TMEM272: variants seen among roughly 807,000 people sequenced by gnomAD.
TMEM272 encodes the protein transmembrane protein 272.
A neutral mutation model predicts 3.7 loss-of-function variants in TMEM272; 8 were observed. The observed-to-expected ratio is 2.17, with a 90% confidence interval of 1.27 to 3.91. TMEM272 has a LOEUF of 3.91. Ranked by LOEUF, TMEM272 falls within the 30% of genes most tolerant of loss-of-function variation. The pLI is 0.00. For missense variants in TMEM272, 166 were observed against 91.5 expected (o/e 1.81, Z -3.32); for synonymous variants, 63 against 39.8 (o/e 1.58, Z -2.20).
intron 3 of TMEM272, among the ~76,000 whole-genome samples, chr13:51,824,217 G>A (rs1183019277): frequency 6.6e-6 from 1 of 152,178 alleles, no homozygotes; most frequent in East Asian, 1.9e-4. Flanking sequence ...GTGTTCTCAT[G>A]TACTTCTTAG....
At chr13:51,920,894 T>C in the TMEM272 span, among the ~76,000 whole-genome samples, 1 of 152,228 alleles carries the variant, frequency 6.6e-6, no homozygotes, top group African/African-American at 2.4e-5. Flanking sequence ...GGACTTCCGG[T>C]GGCCTTCAGA....
At chr13:51,897,926 C>CAAAA in the TMEM272 span, among the ~76,000 whole-genome samples, 69,712 of 98,272 alleles carry the variant, frequency 0.71, 25,777 homozygotes, top group African/African-American at 0.73. Flanking sequence ...GACTCCATCT[C>CAAAA]AAAAAAAAAA....
chr13:51,880,004 C>A, the TMEM272 span, among the ~76,000 whole-genome samples: 56 of 152,212 alleles, frequency 3.7e-4, no homozygotes, highest in Non-Finnish European at 7.2e-4. Context: ...TCCAAATATT[C>A]TCTTGTAACA....
chr13:51,826,002 C>T lies in TMEM272; in HGVS notation c.118+564G>A, dbSNP rs556706830. On this transcript the variant is annotated intron_variant, in intron 3 of 4. Coordinates refer to ENST00000629372, the MANE Select transcript of TMEM272 (RefSeq NM_001351003.2). ...GAGCATGAGATTAATTTCACTGACACGTGATAACAATTTTTAGCTACTTAA... is the reference window on the plus strand; with the variant it reads ...GAGCATGAGATTAATTTCACTGACATGTGATAACAATTTTTAGCTACTTAA... Among the ~76,000 whole-genome samples, 3 of 152,152 alleles carry T rather than the reference C, an allele frequency of 2.0e-5. No homozygotes were observed. In the East Asian group the frequency reaches 5.8e-4, roughly 29 times the overall value.
At chr13:51,918,265 T>C in the TMEM272 span, among the ~76,000 whole-genome samples, 2 of 152,196 alleles carry the variant, frequency 1.3e-5, no homozygotes, top group African/African-American at 4.8e-5. Context: ...CTGTTCTCCA[T>C]CCTGGAACTT....
chr13:51,927,966 C>A, the TMEM272 span, among the ~76,000 whole-genome samples: 1,492 of 152,236 alleles, frequency 9.8e-3, 29 homozygotes, highest in African/African-American at 0.034. Flanking sequence ...GGGGTACAGT[C>A]GGGTTTTGAA....
the TMEM272 span, among the ~76,000 whole-genome samples, chr13:51,922,000 G>C: frequency 6.6e-6 from 1 of 152,122 alleles, no homozygotes; most frequent in Admixed American, 6.5e-5. Context: ...CGTGTGGGTT[G>C]TGCTTTTTAA....
chr13:51,846,464 T>C (rs1414908851), upstream of TMEM272, among the ~76,000 whole-genome samples: 1 of 152,234 alleles, frequency 6.6e-6, no homozygotes, highest in Non-Finnish European at 1.5e-5. Context: ...GTACATACAA[T>C]TATGTACAGC....
the TMEM272 span, chr13:51,865,742 TG>T: frequency 6.2e-7 from 1 of 1,614,122 alleles, no homozygotes; most frequent in Admixed American, 1.7e-5. Context: ...GAAAACTTTC[TG>T]GAAAAAGTAC....
chr13:51,838,668 G>A (rs777844613), intron 1 of TMEM272, 115 bp from the exon 2 acceptor site: 19 of 679,840 alleles, frequency 2.8e-5, no homozygotes, highest in Non-Finnish European at 4.0e-5. Context: ...CAGTCAGCCC[G>A]GGTGGCCTGG....
At chr13:51,886,761 G>C in the TMEM272 span, among the ~76,000 whole-genome samples, 1 of 152,144 alleles carries the variant, frequency 6.6e-6, no homozygotes, top group African/African-American at 2.4e-5. Flanking sequence ...TTTCCGGCTG[G>C]TAAATAATTA....
the TMEM272 span, among the ~76,000 whole-genome samples, chr13:51,931,988 C>T: frequency 7.9e-5 from 12 of 152,154 alleles, no homozygotes; most frequent in Non-Finnish European, 1.3e-4. Context: ...TTCTAAAGTA[C>T]GTAGTCTGTG....
the TMEM272 span, among the ~76,000 whole-genome samples, chr13:51,880,410 A>C: frequency 6.6e-6 from 1 of 152,228 alleles, no homozygotes; most frequent in East Asian, 1.9e-4. Context: ...CTGTAGTATT[A>C]AAGTATTTGG....
the TMEM272 span, among the ~76,000 whole-genome samples, chr13:51,863,479 G>A: frequency 6.6e-6 from 1 of 152,114 alleles, no homozygotes; most frequent in Admixed American, 6.5e-5. Context: ...GATGGAACAG[G>A]GGCATGGTTT....
At chr13:51,911,622 T>C in the TMEM272 span, among the ~76,000 whole-genome samples, 1 of 152,246 alleles carries the variant, frequency 6.6e-6, no homozygotes, top group South Asian at 2.1e-4. Flanking sequence ...AGATGTTCTA[T>C]AAATATTTTT....
chr13:51,867,348 C>A, the TMEM272 span, among the ~76,000 whole-genome samples: 3 of 152,252 alleles, frequency 2.0e-5, no homozygotes, highest in African/African-American at 7.2e-5. Context: ...CCAAAACCCA[C>A]AGTGTCTGTC....
At chr13:51,912,306 C>T in the TMEM272 span, among the ~76,000 whole-genome samples, 1 of 152,126 alleles carries the variant, frequency 6.6e-6, no homozygotes, top group South Asian at 2.1e-4. Flanking sequence ...ACCTGTTTCC[C>T]ATTCACGCTT....
At chr13:51,867,505 G>A in the TMEM272 span, among the ~76,000 whole-genome samples, 1 of 152,112 alleles carries the variant, frequency 6.6e-6, no homozygotes, top group African/African-American at 2.4e-5. Flanking sequence ...GAGAGGACAG[G>A]GATCTTTACA....
At chr13:51,886,374 C>T in the TMEM272 span, among the ~76,000 whole-genome samples, 1 of 152,174 alleles carries the variant, frequency 6.6e-6, no homozygotes, top group Admixed American at 6.5e-5. Context: ...TTCTAAATGC[C>T]ACACATATAG....
Sources: gnomAD v4.1 joint callset for allele counts (sites outside exome capture counted in the v4.1 genomes callset) on GRCh38, gnomAD v4.1.1 for gene constraint, MANE v1.5 for transcripts, NCBI Gene and HGNC (gene_info 2026-07-23, HGNC 2026-07-21) for gene names.